KDSR: variants seen among roughly 807,000 people sequenced by gnomAD.
KDSR encodes the protein 3-dehydrosphinganine reductase.
Under a neutral mutation model 41.3 loss-of-function variants are expected in KDSR, and 23 were observed. The observed-to-expected ratio is 0.56, with a 90% CI of 0.40 to 0.79. The LOEUF is 0.79. Among genes scored for constraint, KDSR ranks in the 30% least tolerant of loss-of-function variants. The pLI is 0.00. For missense variants in KDSR, 351 were observed against 416.8 expected, an observed-to-expected ratio of 0.84 and a Z score of 1.37; for synonymous variants, 138 against 151.7, an observed-to-expected ratio of 0.91 and a Z score of 0.66.
intron 3 of KDSR, among the ~76,000 whole-genome samples, chr18:63,359,178 C>CAAAAA (rs74169959): frequency 1.1e-4 from 4 of 37,058 alleles, no homozygotes; most frequent in Admixed American, 3.1e-4. Flanking sequence ...GACACTGCCT[C>CAAAAA]AAAAAAAAAA....
At chr18:63,350,827 A>G in intron 6 of KDSR, 61 bp downstream of exon 6, 1 of 1,218,774 alleles carries the variant, frequency 8.2e-7, no homozygotes, top group Non-Finnish European at 1.1e-6. Context: ...CTATAAAACT[A>G]AAGCGGAATG....
intron 7 of KDSR, among the ~76,000 whole-genome samples, chr18:63,341,363 G>C (rs902187008): frequency 6.6e-6 from 1 of 151,694 alleles, no homozygotes; most frequent in African/African-American, 2.4e-5. Context: ...TCAGAGAAAA[G>C]AGATCTAAAG....
At chr18:63,354,121 T>C (rs1356843269) in intron 5 of KDSR, among the ~76,000 whole-genome samples, 1 of 151,924 alleles carries the variant, frequency 6.6e-6, no homozygotes, top group Admixed American at 6.6e-5. Context: ...CTAGGGATAG[T>C]AAGTCTAGAT....
At chr18:63,347,954 G>A (rs547515240) in intron 6 of KDSR, among the ~76,000 whole-genome samples, 2 of 152,152 alleles carry the variant, frequency 1.3e-5, no homozygotes, top group East Asian at 1.9e-4. Flanking sequence ...AGGTGGACAG[G>A]GAGACTTCAA....
intron 8 of KDSR, among the ~76,000 whole-genome samples, chr18:63,338,197 A>T (rs1474910672): frequency 1.3e-5 from 2 of 152,136 alleles, no homozygotes; most frequent in Admixed American, 6.5e-5. Context: ...GGTCCTATAG[A>T]TTTTCCAAAT....
At chr18:63,332,172 T>C (rs1433965811) in intron 9 of KDSR, among the ~76,000 whole-genome samples, 1 of 152,042 alleles carries the variant, frequency 6.6e-6, no homozygotes, top group African/African-American at 2.4e-5. Context: ...AGTCTTAGGG[T>C]TATAATAGCT....
chr18:63,348,554 TC>T (rs1406772509), intron 6 of KDSR, among the ~76,000 whole-genome samples: 1 of 152,156 alleles, frequency 6.6e-6, no homozygotes, highest in Non-Finnish European at 1.5e-5. Context: ...CATTTTATTT[TC>T]TTTTTTTTAA....
chr18:63,342,013 C>G (rs1348590341), intron 7 of KDSR, among the ~76,000 whole-genome samples: 2 of 151,276 alleles, frequency 1.3e-5, no homozygotes, highest in Non-Finnish European at 1.5e-5. Flanking sequence ...AAAAAAAATA[C>G]AAAAAATCAG....
chr18:63,366,072 T>G (rs917126545), intron 1 of KDSR: 2 of 152,206 alleles, frequency 1.3e-5, no homozygotes, highest in Admixed American at 1.3e-4. Context: ...TCCTAACTCC[T>G]CGCCTCACTG....
intron 8 of KDSR, 36 bp from the exon 9 acceptor site, chr18:63,335,394 C>G: frequency 2.9e-6 from 4 of 1,394,368 alleles, no homozygotes; most frequent in Non-Finnish European, 3.1e-6. Flanking sequence ...AGAGGGAATC[C>G]TAGTAATGTG....
At chr18:63,332,787 G>A (rs893984772) in intron 9 of KDSR, among the ~76,000 whole-genome samples, 1 of 146,042 alleles carries the variant, frequency 6.8e-6, no homozygotes, top group African/African-American at 2.6e-5. Context: ...AGCTGAGATC[G>A]TGCCACTGCA....
chr18:63,333,814 G>A (rs1050788894), intron 9 of KDSR, among the ~76,000 whole-genome samples: 8 of 152,178 alleles, frequency 5.3e-5, no homozygotes, highest in African/African-American at 1.7e-4. Context: ...CTCAAGCAGG[G>A]GGCCTGCTGC....
Position 63,328,116 on chromosome 18 carries a change from G to A in KDSR, c.*3666C>T, listed in dbSNP as rs1279653284. 5.3e-6 allele frequency: 1 copy of A among 188,826 alleles called. No individual in the cohort carries two copies. Among genetic ancestry groups the A allele is most frequent in the Non-Finnish European group, 1.1e-5 (1 of 89,966 alleles). The allele number at this position is 188,826 out of a possible 1,614,324, so 11.7% of individuals were successfully genotyped here. On this transcript the variant is annotated 3_prime_UTR_variant, in exon 10 of 10. Transcript: ENST00000645214. ...TCAAAGAGTATGAATATTTAAAAGT[G>A]GCCTCAAGTGAGTAATACATGTTTA...
chr18:63,337,571 G>A (rs1599323338), intron 8 of KDSR, among the ~76,000 whole-genome samples: 1 of 152,142 alleles, frequency 6.6e-6, no homozygotes, highest in Non-Finnish European at 1.5e-5. Flanking sequence ...AGAAAAGTTT[G>A]AAAACCACTA....
chr18:63,338,701 C>T (rs1469664628), intron 8 of KDSR, 99 bp downstream of exon 8: 2 of 804,586 alleles, frequency 2.5e-6, no homozygotes, highest in African/African-American at 3.6e-5. Context: ...CTAAAAAATT[C>T]TAATAATTGA....
intron 8 of KDSR, among the ~76,000 whole-genome samples, chr18:63,338,194 T>C (rs1914239383): frequency 6.6e-6 from 1 of 152,232 alleles, no homozygotes; most frequent in Non-Finnish European, 1.5e-5. Context: ...AATGGTCCTA[T>C]AGATTTTCCA....
chr18:63,345,657 G>A (rs12970877), intron 6 of KDSR: 47,683 of 151,932 alleles, frequency 0.31, 9,406 homozygotes, highest in Non-Finnish European at 0.43. Flanking sequence ...TAGCCCAGGG[G>A]CCGGGGGCAG....
intron 6 of KDSR, chr18:63,345,643 A>G (rs1914478088): frequency 1.3e-5 from 2 of 152,128 alleles, no homozygotes; most frequent in African/African-American, 2.4e-5. Flanking sequence ...ACGGCCTTTA[A>G]GAGTAGCCCA....
chr18:63,344,256 G>C, intron 7 of KDSR, 154 bp downstream of exon 7: 1 of 550,098 alleles, frequency 1.8e-6, no homozygotes, highest in Non-Finnish European at 3.3e-6. Context: ...AGGAATATTT[G>C]CCTGGAGAAT....
Sources: allele counts gnomAD v4.1 joint callset (sites outside exome capture counted in the v4.1 genomes callset), GRCh38; gene constraint gnomAD v4.1.1; transcripts MANE v1.5; gene names NCBI Gene and HGNC (gene_info 2026-07-23, HGNC 2026-07-21).